OCM2: variants seen among roughly 807,000 people sequenced by gnomAD.
OCM2 encodes the protein oncomodulin-2.
A neutral mutation model predicts 13.6 loss-of-function variants in OCM2; 6 were observed. The observed-to-expected ratio is 0.44, with a 90% CI of 0.24 to 0.87. The LOEUF (loss-of-function observed/expected upper bound fraction) is 0.87. Ranked by LOEUF, OCM2 falls within the 40% of genes least tolerant of loss-of-function variation. The pLI, the probability that OCM2 is intolerant of heterozygous loss-of-function variation, is 0.22. For synonymous variants in OCM2, 40 were observed against 50.7 expected (o/e 0.79, Z 0.90); for missense variants, 118 against 136.8 (o/e 0.86, Z 0.68).
exon 3 of OCM2, chr7:97,987,091 A>G (rs368777021): frequency 7.4e-6 from 12 of 1,613,784 alleles, no homozygotes; most frequent in African/African-American, 2.7e-5. Flanking sequence ...CGCCGCAGCC[A>G]TCAAGGACTT....
intron 3 of OCM2, among the ~76,000 whole-genome samples, chr7:97,985,415 T>G (rs112903253): frequency 3.5e-5 from 2 of 56,680 alleles, no homozygotes; most frequent in Admixed American, 6.4e-4. Context: ...CCAGACTCCA[T>G]CTCAAAAAAA....
chr7:97,985,577 T>C (rs1256370876), intron 3 of OCM2, among the ~76,000 whole-genome samples: 1 of 152,186 alleles, frequency 6.6e-6, no homozygotes, highest in Non-Finnish European at 1.5e-5. Flanking sequence ...TTAGAACTTG[T>C]CAAGCCCATC....
intron 1 of OCM2, among the ~76,000 whole-genome samples, chr7:97,989,439 G>A (rs992299349): frequency 6.2e-5 from 9 of 145,890 alleles, no homozygotes; most frequent in East Asian, 2.0e-4. Context: ...TCACTCTGTC[G>A]TCCAGGCTGG....
chr7:97,985,503 G>T (rs924966331), intron 3 of OCM2, among the ~76,000 whole-genome samples: 2 of 151,912 alleles, frequency 1.3e-5, no homozygotes, highest in Non-Finnish European at 2.9e-5. Context: ...AGTCCACAGG[G>T]TTCCTTTTCT....
intron 2 of OCM2, among the ~76,000 whole-genome samples, chr7:97,987,764 C>T (rs574602849): frequency 6.6e-6 from 1 of 152,294 alleles, no homozygotes; most frequent in African/African-American, 2.4e-5. Context: ...CTCACTGCAA[C>T]CTCTGCCTCC....
intron 1 of OCM2, among the ~76,000 whole-genome samples, chr7:97,989,303 C>A (rs1418587398): frequency 3.3e-5 from 5 of 151,956 alleles, no homozygotes; most frequent in African/African-American, 1.2e-4. Context: ...TGCTCAGATC[C>A]CAGATCTCTA....
At chr7:97,988,248 T>C (rs1405065699) in intron 2 of OCM2, among the ~76,000 whole-genome samples, 168 bp downstream of exon 2, 6 of 151,786 alleles carry the variant, frequency 4.0e-5, no homozygotes, top group African/African-American at 1.5e-4. Flanking sequence ...GGGCTTTGCA[T>C]GGGTAGATGT....
chr7:97,987,570 G>C (rs1584170471), intron 2 of OCM2, among the ~76,000 whole-genome samples: 1 of 151,988 alleles, frequency 6.6e-6, no homozygotes, highest in East Asian at 1.9e-4. Context: ...GACTGGTCTT[G>C]AAATCCTGGG....
At chr7:97,987,204 C>T (rs780264264) in intron 2 of OCM2, 48 bp from the exon 3 acceptor site, 1 of 1,609,218 alleles carries the variant, frequency 6.2e-7, no homozygotes, top group Non-Finnish European at 8.5e-7. Context: ...GGTCGTGCAT[C>T]CCTGTGTTTA....
intron 1 of OCM2, among the ~76,000 whole-genome samples, chr7:97,989,386 C>CTTATTTAT (rs55906293): frequency 0.32 from 46,170 of 145,032 alleles, 7,674 homozygotes; most frequent in East Asian, 0.42. Context: ...CTCTTATTTA[C>CTTATTTAT]TTATTTATTT....
At chr7:97,988,769 T>C (rs1794698326) in intron 1 of OCM2, among the ~76,000 whole-genome samples, 1 of 151,930 alleles carries the variant, frequency 6.6e-6, no homozygotes, top group Admixed American at 6.6e-5. Context: ...CTTGGTTTTG[T>C]CCATTTTCCT....
At chr7:97,987,230 T>C (rs1794681982) in intron 2 of OCM2, 74 bp from the exon 3 acceptor site, 7 of 1,556,204 alleles carry the variant, frequency 4.5e-6, no homozygotes, top group Non-Finnish European at 6.2e-6. Flanking sequence ...TTGTTTTTCC[T>C]TTAAGCATAT....
chr7:97,984,830 C>T (rs1158725291), exon 4 of OCM2: 72 of 1,245,840 alleles, frequency 5.8e-5, no homozygotes, highest in Non-Finnish European at 7.8e-5. Flanking sequence ...AATGAGCAAA[C>T]TGCAGAAGGT....
At chr7:97,987,520 A>G (rs888401971) in intron 2 of OCM2, among the ~76,000 whole-genome samples, 8 of 147,514 alleles carry the variant, frequency 5.4e-5, no homozygotes, top group South Asian at 2.2e-4. Flanking sequence ...TAACATTTGT[A>G]TTTTTTTTTT....
rs377472137 is a variant in OCM2 at position 97,990,030 on chromosome 7, C to G, written c.61+14G>C. On this transcript the variant is annotated intron_variant, in intron 1 of 3. Transcript: ENST00000257627. ...CTGTGAGGAAATCCCACCCCCGCCC[C>G]ACGTCCCCTCTACCTTGGCATTCCT... 73 of 1,571,178 alleles carry G rather than the reference C, an allele frequency of 4.6e-5. 3 individuals are homozygous for G. The African/African-American group carries it at 8.9e-4, about 19-fold the overall frequency.
intron 3 of OCM2, among the ~76,000 whole-genome samples, chr7:97,985,431 A>AAGAAAGAAAG (rs1554366493): frequency 7.6e-6 from 1 of 131,500 alleles, no homozygotes; most frequent in Non-Finnish European, 1.6e-5. Context: ...AAAAAAAAAA[A>AAGAAAGAAAG]AAAGAAAGAA....
intron 1 of OCM2, among the ~76,000 whole-genome samples, chr7:97,989,386 C>CTTATTTATTTATTTAT (rs55906293): frequency 0.03 from 4,304 of 145,222 alleles, 88 homozygotes; most frequent in Non-Finnish European, 0.041. Flanking sequence ...CTCTTATTTA[C>CTTATTTATTTATTTAT]TTATTTATTT....
At chr7:97,985,431 A>AAAAAAAAAGAAAG (rs757682710) in intron 3 of OCM2, among the ~76,000 whole-genome samples, 2 of 131,496 alleles carry the variant, frequency 1.5e-5, no homozygotes, top group Non-Finnish European at 1.6e-5. Context: ...AAAAAAAAAA[A>AAAAAAAAAGAAAG]AAAGAAAGAA....
intron 3 of OCM2, among the ~76,000 whole-genome samples, chr7:97,986,555 C>G (rs192833418): frequency 2.0e-5 from 3 of 152,144 alleles, no homozygotes; most frequent in Non-Finnish European, 4.4e-5. Context: ...TATTTGTTCT[C>G]TGTTTAATAT....
Sources: allele counts gnomAD v4.1 joint callset (sites outside exome capture counted in the v4.1 genomes callset), GRCh38; gene constraint gnomAD v4.1.1; transcripts MANE v1.5; gene names NCBI Gene and HGNC (gene_info 2026-07-23, HGNC 2026-07-21).